The following ADGRA1 variants were observed in gnomAD, a reference collection of about 807,000 sequenced individuals.
ADGRA1 encodes the protein adhesion G protein-coupled receptor A1.
A neutral mutation model predicts 21.3 loss-of-function variants in ADGRA1; 12 were observed. The ratio of observed to expected loss-of-function variants is 0.56; its 90% confidence interval spans 0.36 to 0.91. The LOEUF (loss-of-function observed/expected upper bound fraction) is 0.91. Ranked by LOEUF, ADGRA1 falls within the 40% of genes least tolerant of loss-of-function variation. The pLI is 0.01. For missense variants in ADGRA1, 790 were observed against 805.6 expected (o/e 0.98, Z 0.23); for synonymous variants, 385 against 368.8 (o/e 1.04, Z -0.50).
chr10:133,112,402 TCCGTTATTTGGGGTCTGCGGGCC>T (rs1564850088), intron 5 of ADGRA1, among the ~76,000 whole-genome samples: 55 of 139,196 alleles, frequency 4.0e-4, no homozygotes, highest in South Asian at 2.9e-3. Context: ...ACGGGCCGCG[TCCGTTATTTGGGGTCTGCGGGCC>T]ATGTCGGTTA....
At chr10:133,100,376 G>A (rs1482933295) in intron 4 of ADGRA1, among the ~76,000 whole-genome samples, 5 of 152,248 alleles carry the variant, frequency 3.3e-5, no homozygotes, top group African/African-American at 1.2e-4. Context: ...TCTGCACTTT[G>A]CCACCAAGTA....
At chr10:133,105,115 A>G (rs1851868867) in intron 5 of ADGRA1, among the ~76,000 whole-genome samples, 2 of 152,176 alleles carry the variant, frequency 1.3e-5, no homozygotes, top group African/African-American at 4.8e-5. Flanking sequence ...GCCAGCAGAA[A>G]TTTAGTTCCT....
chr10:133,088,745 G>T lies in ADGRA1; in HGVS notation c.-165G>T. 1.6e-6 allele frequency: 2 copies of T among 1,230,916 alleles called. No individual in the cohort carries two copies. The highest frequency in any genetic ancestry group is 2.0e-6 in the Non-Finnish European group (2 of 987,606). 76.2% of individuals were successfully genotyped at this position (1,230,916 alleles called of 1,614,324 possible). A position where few individuals can be genotyped will look rare whatever the true frequency, so the allele number is the denominator to read the frequency against. ...CCCGGACTGCGCCCGCCCCGCCGCG[G>T]TCACCCTGAGGCCAGGGGCCCGGGA... is the stretch of plus-strand genomic sequence containing the variant. On this transcript the variant is annotated 5_prime_UTR_variant, in exon 2 of 7. Coordinates refer to ENST00000392607, the MANE Select transcript of ADGRA1 (RefSeq NM_001083909.3).
intron 5 of ADGRA1, among the ~76,000 whole-genome samples, chr10:133,104,120 G>A (rs1851851511): frequency 6.6e-6 from 1 of 152,246 alleles, no homozygotes; most frequent in African/African-American, 2.4e-5. Flanking sequence ...TTTCAAGGCA[G>A]ATACAGCCAC....
At position 133,129,789 on chromosome 10, in the gene ADGRA1, C is replaced by T. The variant is rs1852479718; in HGVS notation, c.*278C>T. On this transcript the variant is annotated 3_prime_UTR_variant, in exon 7 of 7. Coordinates refer to ENST00000392607, the MANE Select transcript of ADGRA1 (RefSeq NM_001083909.3). ...CCTTATCCCAATTCCGCGTGCTGGT[C>T]CCGCACACGGTCATCCGGTTTCTGT... 4 of 432,586 alleles carry T rather than the reference C, an allele frequency of 9.2e-6. No individual in the cohort carries two copies. Among genetic ancestry groups the T allele is most frequent in the Middle Eastern group, 6.1e-4 (1 of 1,630 alleles). The allele number at this position is 432,586 out of a possible 1,614,324, so 26.8% of individuals were successfully genotyped here. A position where few individuals can be genotyped will look rare whatever the true frequency, so the allele number is the denominator to read the frequency against.
chr10:133,087,946 C>A lies in ADGRA1; in HGVS notation c.-395C>A. ...CGCGCAGAGGCGGCGGCGCTGCTGG[C>A]CGGGCTGGGCCGCTCGTGCGCGGGG... On this transcript the variant is annotated 5_prime_UTR_variant, in exon 1 of 7. Transcript: ENST00000392607. 1.0e-6 allele frequency: 1 copy of A among 984,968 alleles called. No homozygotes were observed. Among genetic ancestry groups the A allele is most frequent in the South Asian group, 4.7e-5 (1 of 21,292 alleles). 61.0% of individuals were successfully genotyped at this position (984,968 alleles called of 1,614,324 possible). A position where few individuals can be genotyped will look rare whatever the true frequency, so the allele number is the denominator to read the frequency against.
At chr10:133,104,860 G>A (rs1370273917) in intron 5 of ADGRA1, among the ~76,000 whole-genome samples, 1 of 152,154 alleles carries the variant, frequency 6.6e-6, no homozygotes, top group Non-Finnish European at 1.5e-5. Flanking sequence ...GCTGGGCCTG[G>A]GGCTGCTGGG....
chr10:133,117,027 G>T (rs375448781), intron 5 of ADGRA1, among the ~76,000 whole-genome samples: 2 of 152,130 alleles, frequency 1.3e-5, no homozygotes, highest in Non-Finnish European at 2.9e-5. Flanking sequence ...GGTCGGTCAC[G>T]CTCTCTGTAG....
chr10:133,124,093 C>T (rs955933932), intron 5 of ADGRA1, among the ~76,000 whole-genome samples: 3 of 152,302 alleles, frequency 2.0e-5, no homozygotes, highest in Non-Finnish European at 2.9e-5. Flanking sequence ...CACTGGGTCA[C>T]GTGGTGATGC....
Position 133,129,303 on chromosome 10 carries a change from C to A in ADGRA1, c.1475C>A (p.Ala492Asp), listed in dbSNP as rs765516881. The A allele has an allele frequency of 1.3e-6, 2 of 1,554,032 alleles. No homozygotes were observed. Among genetic ancestry groups the A allele is most frequent in the South Asian group, 2.4e-5 (2 of 84,754 alleles). ...CCCGAGGGCAGTGATGGGAGCCCTG[C>A]CCTCTACAGCTGCCCCACGCAGCCG... ...TQPEGSDGSPALYSCPTQPGR... is the reference protein window; with the variant it reads ...TQPEGSDGSPDLYSCPTQPGR... The change falls in exon 7 of 7, where the codon GCC (alanine) becomes GAC (aspartate). Residue 492 changes from alanine to aspartate, a missense_variant. Transcript: ENST00000392607.
rs1852510982 is a variant in ADGRA1 at position 133,130,870 on chromosome 10, A to G, written c.*1359A>G. 1 of 152,110 alleles carries G rather than the reference A, an allele frequency of 6.6e-6. No homozygotes were observed. The highest frequency in any genetic ancestry group is 1.9e-4 in the East Asian group (1 of 5,186). 9.4% of individuals were successfully genotyped at this position (152,110 alleles called of 1,614,324 possible). Reference sequence around the variant, plus strand: ...CACACGCACACACACAAACACGTGCATATCACACACAAACACACGTGCACA... The same window carrying G: ...CACACGCACACACACAAACACGTGCGTATCACACACAAACACACGTGCACA... On this transcript the variant is annotated 3_prime_UTR_variant, in exon 7 of 7. Coordinates refer to ENST00000392607, the MANE Select transcript of ADGRA1 (RefSeq NM_001083909.3).
chr10:133,108,282 A>G (rs1406038567), intron 5 of ADGRA1, among the ~76,000 whole-genome samples: 92 of 152,240 alleles, frequency 6.0e-4, no homozygotes, highest in Non-Finnish European at 1.0e-4. Context: ...GAGAAACCAC[A>G]CAGAACCTGG....
intron 5 of ADGRA1, among the ~76,000 whole-genome samples, chr10:133,109,829 G>A (rs1211186034): frequency 5.9e-5 from 9 of 152,214 alleles, no homozygotes; most frequent in African/African-American, 1.2e-4. Flanking sequence ...TGGATGTGTC[G>A]ATGGAAAGCA....
chr10:133,097,520 A>C (rs1193116257), intron 3 of ADGRA1, among the ~76,000 whole-genome samples: 1 of 152,220 alleles, frequency 6.6e-6, no homozygotes, highest in African/African-American at 2.4e-5. Context: ...GGGCATGCCC[A>C]CAGCCAGTCA....
chr10:133,104,725 C>T (rs369983506), intron 5 of ADGRA1, among the ~76,000 whole-genome samples: 10 of 152,246 alleles, frequency 6.6e-5, no homozygotes, highest in East Asian at 5.8e-4. Flanking sequence ...CTCGTCGCTC[C>T]GCCTCCCCAG....
intron 5 of ADGRA1, among the ~76,000 whole-genome samples, chr10:133,110,932 C>A (rs1253190568): frequency 6.6e-6 from 1 of 152,128 alleles, no homozygotes; most frequent in Non-Finnish European, 1.5e-5. Context: ...ATCCCAGGTC[C>A]CCAAGCACCT....
rs73397193 is a variant in ADGRA1, at chr10:133,100,987, C to T, written c.256-1710C>T. 1.9e-3 allele frequency among the ~76,000 whole-genome samples: 290 copies of T among 152,328 alleles called. 1 individual carries two copies. Among genetic ancestry groups the T allele is most frequent in the Middle Eastern group, 6.8e-3 (2 of 294 alleles). On this transcript the variant is annotated intron_variant, in intron 4 of 6. Transcript: ENST00000392607. ...ACAAGGCGACGTTCTCCGAGCTCCC[C>T]GATGAACTGTCTGCTCCCCGTGCTC...
chr10:133,112,424 CCA>C lies in ADGRA1; in HGVS notation c.401+9583_401+9584del, dbSNP rs1176605220. On this transcript the variant is annotated intron_variant, in intron 5 of 6. Coordinates refer to ENST00000392607, the MANE Select transcript of ADGRA1 (RefSeq NM_001083909.3). ...GCGTCCGTTATTTGGGGTCTGCGGG[CCA>C]TGTCGGTTATTTGGGGTCTACGGGC... Among the ~76,000 whole-genome samples, 4 of 126,504 alleles carry C rather than the reference CCA, an allele frequency of 3.2e-5. No homozygotes were observed. The South Asian group carries it at 1.2e-3, about 37-fold the overall frequency. The allele number at this position is 126,504 out of a possible 152,430, so 83.0% of individuals were successfully genotyped here.
intron 2 of ADGRA1, among the ~76,000 whole-genome samples, chr10:133,089,382 C>T (rs1008743276): frequency 6.6e-6 from 1 of 152,134 alleles, no homozygotes; most frequent in African/African-American, 2.4e-5. Context: ...GAGGCTGTGG[C>T]GGAGAGAAGG....
Sources: gnomAD v4.1 joint callset for allele counts (sites outside exome capture counted in the v4.1 genomes callset) on GRCh38, gnomAD v4.1.1 for gene constraint, MANE v1.5 for transcripts, NCBI Gene and HGNC (gene_info 2026-07-23, HGNC 2026-07-21) for gene names.